Variants in SCHIP1 observed in about 807,000 individuals in gnomAD.
SCHIP1 encodes schwannomin interacting protein 1.
Under a neutral mutation model 29.7 loss-of-function variants are expected in SCHIP1, and 8 were observed. That is an observed-to-expected ratio of 0.27 (90% CI 0.16 to 0.49). SCHIP1 has a LOEUF of 0.49. Ranked by LOEUF, SCHIP1 falls within the 20% of genes least tolerant of loss-of-function variation. SCHIP1 has a pLI of 0.99. For missense variants in SCHIP1, 193 were observed against 294.6 expected (o/e 0.66, Z 2.52); for synonymous variants, 76 against 94.9 (o/e 0.80, Z 1.16).
chr3:159,532,136 G>T, the SCHIP1 span, among the ~76,000 whole-genome samples: 1 of 152,092 alleles, frequency 6.6e-6, no homozygotes. Flanking sequence ...TTGCTGTGGA[G>T]TAACAATCAA....
chr3:159,349,196 C>T, the SCHIP1 span, among the ~76,000 whole-genome samples: 1 of 152,270 alleles, frequency 6.6e-6, no homozygotes, highest in South Asian at 2.1e-4. Context: ...ACCAAATTTC[C>T]AGAAGCTCAT....
At chr3:159,887,566 A>G in intron 3 of SCHIP1, 142 bp from the exon 5 acceptor site, 1 of 853,720 alleles carries the variant, frequency 1.2e-6, no homozygotes, top group South Asian at 1.7e-5. Context: ...CTTGAGATTT[A>G]TCAACTCAAG....
chr3:159,819,691 A>G, the SCHIP1 span, among the ~76,000 whole-genome samples: 13 of 152,330 alleles, frequency 8.5e-5, no homozygotes, highest in South Asian at 2.5e-3. Context: ...AAAGGAATTT[A>G]TGGGGACTGG....
chr3:159,776,546 T>C, the SCHIP1 span, among the ~76,000 whole-genome samples: 1 of 152,200 alleles, frequency 6.6e-6, no homozygotes, highest in Non-Finnish European at 1.5e-5. Context: ...AGAGTTGTTA[T>C]CCATCTTACA....
chr3:159,462,719 G>A, the SCHIP1 span, among the ~76,000 whole-genome samples: 8 of 151,898 alleles, frequency 5.3e-5, no homozygotes, highest in East Asian at 3.9e-4. Context: ...TTGTTCCCTC[G>A]GGAACTTTTC....
the SCHIP1 span, among the ~76,000 whole-genome samples, chr3:159,761,828 C>G: frequency 3.3e-5 from 5 of 152,172 alleles, no homozygotes; most frequent in Non-Finnish European, 7.4e-5. Context: ...TTTGCATTCC[C>G]TGAACATGGA....
the SCHIP1 span, among the ~76,000 whole-genome samples, chr3:159,431,352 AC>A: frequency 9.9e-5 from 15 of 152,056 alleles, no homozygotes; most frequent in African/African-American, 2.7e-4. Flanking sequence ...GGTAGCTGAG[AC>A]AGAGGAGGTA....
chr3:159,428,715 T>C, the SCHIP1 span, among the ~76,000 whole-genome samples: 2 of 151,696 alleles, frequency 1.3e-5, no homozygotes, highest in African/African-American at 4.8e-5. Context: ...CAAAGGACTA[T>C]AAATCATGCT....
At chr3:159,876,789 C>T (rs150356445) in intron 2 of SCHIP1, among the ~76,000 whole-genome samples, 1,664 of 152,346 alleles carry the variant, frequency 0.011, 17 homozygotes, top group Non-Finnish European at 0.015. Flanking sequence ...TAGTCCTAAA[C>T]TTTCCAGCTC....
At chr3:159,655,501 C>T in the SCHIP1 span, among the ~76,000 whole-genome samples, 1 of 152,156 alleles carries the variant, frequency 6.6e-6, no homozygotes, top group Non-Finnish European at 1.5e-5. Flanking sequence ...GGTAGGACAA[C>T]ACTTAAGTCC....
At chr3:159,405,880 C>CAAAAA in the SCHIP1 span, among the ~76,000 whole-genome samples, 2 of 75,246 alleles carry the variant, frequency 2.7e-5, no homozygotes, top group Non-Finnish European at 3.2e-5. Flanking sequence ...GAGACTCTGT[C>CAAAAA]AAAAAAAAAA....
At chr3:159,536,461 G>C in the SCHIP1 span, among the ~76,000 whole-genome samples, 1 of 152,144 alleles carries the variant, frequency 6.6e-6, no homozygotes, top group African/African-American at 2.4e-5. Flanking sequence ...TACATTTCTT[G>C]GTCCTATTTA....
chr3:159,505,529 T>G, the SCHIP1 span, among the ~76,000 whole-genome samples: 6 of 152,216 alleles, frequency 3.9e-5, no homozygotes, highest in African/African-American at 1.4e-4. Flanking sequence ...ACGTGCAGGT[T>G]TGTTACATAT....
intron 2 of SCHIP1, among the ~76,000 whole-genome samples, chr3:159,872,774 C>T (rs1715415494): frequency 1.3e-5 from 2 of 152,178 alleles, no homozygotes; most frequent in African/African-American, 4.8e-5. Context: ...TGTCATCCTC[C>T]TCATCAGTAA....
At chr3:159,333,009 T>C in the SCHIP1 span, among the ~76,000 whole-genome samples, 1 of 152,120 alleles carries the variant, frequency 6.6e-6, no homozygotes, top group East Asian at 1.9e-4. Flanking sequence ...CTATTGGATT[T>C]AGGAACAAAT....
the SCHIP1 span, among the ~76,000 whole-genome samples, chr3:159,729,938 A>G: frequency 6.6e-6 from 1 of 152,346 alleles, no homozygotes; most frequent in South Asian, 2.1e-4. Context: ...TTTAAAAAGT[A>G]AAGGAGATCT....
At chr3:159,285,748 A>G in the SCHIP1 span, among the ~76,000 whole-genome samples, 1 of 152,266 alleles carries the variant, frequency 6.6e-6, no homozygotes, top group East Asian at 1.9e-4. Context: ...TTTCATGTTA[A>G]TTTATCCTTC....
the SCHIP1 span, among the ~76,000 whole-genome samples, chr3:159,394,435 G>A: frequency 6.6e-6 from 1 of 152,118 alleles, no homozygotes; most frequent in Non-Finnish European, 1.5e-5. Context: ...CATTCAGTAT[G>A]ATATTGGCTG....
chr3:159,757,088 T>C, the SCHIP1 span, among the ~76,000 whole-genome samples: 1 of 152,230 alleles, frequency 6.6e-6, no homozygotes, highest in Non-Finnish European at 1.5e-5. Context: ...CAAAGTCCCT[T>C]CCACATTTTC....
Sources: allele counts gnomAD v4.1 joint callset (sites outside exome capture counted in the v4.1 genomes callset), GRCh38; gene constraint gnomAD v4.1.1; transcripts MANE v1.5; gene names NCBI Gene and HGNC (gene_info 2026-07-23, HGNC 2026-07-21).